WWOX: variants seen among roughly 807,000 people sequenced by gnomAD.
The protein encoded by WWOX is WW domain containing oxidoreductase.
WWOX carries 69 observed loss-of-function variants against 46.2 expected under a neutral mutation model. That is an observed-to-expected ratio of 1.49 (90% CI 1.23 to 1.82). The LOEUF is 1.82. Among genes scored for constraint, WWOX ranks in the 40% most tolerant of loss-of-function variants. WWOX has a pLI of 0.00. For missense variants in WWOX, 919 were observed against 542.6 expected (o/e 1.69, Z -6.89); for synonymous variants, 359 against 202.6 (o/e 1.77, Z -6.56).
At chr16:79,106,582 A>ATTTTTTTTT (rs752318131) in intron 8 of WWOX, 32 of 79,524 alleles carry the variant, frequency 4.0e-4, no homozygotes, top group African/African-American at 4.8e-4. Flanking sequence ...TCTTAAAATA[A>ATTTTTTTTT]TTTTTTTTTT....
intron 4 of WWOX, among the ~76,000 whole-genome samples, chr16:78,154,557 C>A (rs62045110): frequency 0.15 from 21,105 of 137,588 alleles, 1,834 homozygotes; most frequent in East Asian, 0.24. Context: ...TTTATCTCTC[C>A]TTCCAGTAAA....
chr16:78,229,500 C>CTATA lies in WWOX; in HGVS notation c.516+65213_516+65216dup, dbSNP rs1202195249. Among the ~76,000 whole-genome samples the CTATA allele has an allele frequency of 2.6e-3, 288 of 110,504 alleles. 1 individual carries two copies. The highest frequency in any genetic ancestry group is 9.2e-3 in the African/African-American group (281 of 30,538). 72.5% of individuals were successfully genotyped at this position (110,504 alleles called of 152,430 possible). A position where few individuals can be genotyped will look rare whatever the true frequency, so the allele number is the denominator to read the frequency against. On this transcript the variant is annotated intron_variant, in intron 5 of 8. Coordinates refer to ENST00000566780, the MANE Select transcript of WWOX (RefSeq NM_016373.4). ...TATGTATATCTGTATATATATTTAT[C>CTATA]TATATCTATATAGAGATATATATAT...
chr16:78,630,752 C>G (rs1225508245), intron 8 of WWOX, among the ~76,000 whole-genome samples: 1 of 152,128 alleles, frequency 6.6e-6, no homozygotes, highest in Non-Finnish European at 1.5e-5. Flanking sequence ...TTGCAAACCA[C>G]CAAACCTGGG....
chr16:78,382,854 C>T (rs1204120267), intron 5 of WWOX, among the ~76,000 whole-genome samples: 1 of 151,898 alleles, frequency 6.6e-6, no homozygotes, highest in Non-Finnish European at 1.5e-5. Context: ...AGTTCCTTCT[C>T]ACACTGCTAT....
intron 8 of WWOX, among the ~76,000 whole-genome samples, chr16:78,963,257 C>G (rs912501219): frequency 5.3e-5 from 8 of 152,166 alleles, no homozygotes; most frequent in Non-Finnish European, 1.0e-4. Context: ...TTCCTTGAGT[C>G]CGGGAGTTGA....
chr16:78,684,883 CAG>C (rs1281324969), intron 8 of WWOX, among the ~76,000 whole-genome samples: 2 of 152,136 alleles, frequency 1.3e-5, no homozygotes, highest in South Asian at 2.1e-4. Flanking sequence ...CTTTTATAGT[CAG>C]AGCATAGGAA....
chr16:79,005,610 C>G (rs538962585), intron 8 of WWOX, among the ~76,000 whole-genome samples: 3 of 152,274 alleles, frequency 2.0e-5, no homozygotes, highest in Non-Finnish European at 2.9e-5. Context: ...ATTGCCATCT[C>G]TGCCTCTGTC....
chr16:79,038,945 T>C (rs1032421559), intron 8 of WWOX, among the ~76,000 whole-genome samples: 1 of 152,188 alleles, frequency 6.6e-6, no homozygotes, highest in Non-Finnish European at 1.5e-5. Context: ...TGACCACATA[T>C]ATCTATTGAG....
intron 8 of WWOX, among the ~76,000 whole-genome samples, chr16:79,201,007 C>T (rs559662641): frequency 5.3e-5 from 8 of 152,072 alleles, no homozygotes; most frequent in Non-Finnish European, 8.8e-5. Context: ...TTGTTGTGTG[C>T]CCAGGAAATG....
chr16:78,482,296 C>T (rs372725476), intron 8 of WWOX, among the ~76,000 whole-genome samples: 28 of 152,190 alleles, frequency 1.8e-4, no homozygotes, highest in African/African-American at 5.8e-4. Flanking sequence ...AGTGCAGTGG[C>T]GCGATCTTGG....
chr16:79,209,226 G>C (rs1304101431), intron 8 of WWOX, among the ~76,000 whole-genome samples: 1 of 152,194 alleles, frequency 6.6e-6, no homozygotes. Flanking sequence ...ATTGCCTTTA[G>C]ATTCCGTGGA....
intron 8 of WWOX, among the ~76,000 whole-genome samples, chr16:78,603,237 C>G (rs2045665907): frequency 1.3e-5 from 2 of 152,308 alleles, no homozygotes; most frequent in South Asian, 4.1e-4. Context: ...ACAGATAAGG[C>G]ATTGGATGCT....
At chr16:78,266,288 A>G (rs1169637897) in intron 5 of WWOX, among the ~76,000 whole-genome samples, 1 of 152,228 alleles carries the variant, frequency 6.6e-6, no homozygotes, top group African/African-American at 2.4e-5. Context: ...AAAAACTTTT[A>G]TTGAAATTCC....
chr16:78,593,403 C>G (rs2045398016), intron 8 of WWOX, among the ~76,000 whole-genome samples: 1 of 152,158 alleles, frequency 6.6e-6, no homozygotes, highest in African/African-American at 2.4e-5. Context: ...TCCCCCATCA[C>G]CCTTGTACTA....
chr16:78,231,526 G>A (rs12918190), intron 5 of WWOX, among the ~76,000 whole-genome samples: 17,668 of 152,122 alleles, frequency 0.12, 1,232 homozygotes, highest in Non-Finnish European at 0.15. Flanking sequence ...CCTTTCCTTA[G>A]TTAATCTGTT....
chr16:78,404,423 C>T (rs1403401965), intron 6 of WWOX, among the ~76,000 whole-genome samples: 5 of 152,108 alleles, frequency 3.3e-5, no homozygotes, highest in Middle Eastern at 3.4e-3. Context: ...CCATTTTGGG[C>T]GTGAGAAGCT....
At chr16:78,179,095 T>C (rs2035446160) in intron 5 of WWOX, among the ~76,000 whole-genome samples, 1 of 152,118 alleles carries the variant, frequency 6.6e-6, no homozygotes. Flanking sequence ...CTTGCCAACA[T>C]AGACATTTTT....
At chr16:79,015,028 G>GTGT (rs1555512108) in intron 8 of WWOX, among the ~76,000 whole-genome samples, 1 of 152,162 alleles carries the variant, frequency 6.6e-6, no homozygotes, top group Non-Finnish European at 1.5e-5. Flanking sequence ...CAAGGACTAC[G>GTGT]TGTGACATGA....
chr16:79,094,417 T>C lies in WWOX; in HGVS notation c.1057-117191T>C, dbSNP rs570960046. 3.0e-3 allele frequency among the ~76,000 whole-genome samples: 451 copies of C among 152,032 alleles called. 3 individuals carry two copies. Among genetic ancestry groups the C allele is most frequent in the Non-Finnish European group, 5.4e-3 (365 of 67,978 alleles). On this transcript the variant is annotated intron_variant, in intron 8 of 8. Transcript: ENST00000566780. ...GGCGCCCGCCACCATGTCCAGCTAA[T>C]TTTTTTGTATTTTTAGTGGAGACTG...
Sources: gnomAD v4.1 joint callset for allele counts (sites outside exome capture counted in the v4.1 genomes callset) on GRCh38, gnomAD v4.1.1 for gene constraint, MANE v1.5 for transcripts, NCBI Gene and HGNC (gene_info 2026-07-23, HGNC 2026-07-21) for gene names.